Variants in LBHD1 observed in about 807,000 individuals in gnomAD.
LBHD1 encodes the protein LBH domain-containing protein 1.
Under a neutral mutation model 31.1 loss-of-function variants are expected in LBHD1, and 28 were observed. The ratio of observed to expected loss-of-function variants is 0.90; its 90% CI spans 0.67 to 1.24. The LOEUF (loss-of-function observed/expected upper bound fraction) is 1.24. Ranked by LOEUF, LBHD1 falls within the 50% of genes most tolerant of loss-of-function variation. The pLI is 0.00. For missense variants in LBHD1, 350 were observed against 323.0 expected, an observed-to-expected ratio of 1.08 and a Z score of -0.64; for synonymous variants, 105 against 116.5, an observed-to-expected ratio of 0.90 and a Z score of 0.63.
intron 5 of LBHD1, among the ~76,000 whole-genome samples, chr11:62,664,072 CAA>C (rs1271137635): frequency 8.8e-4 from 46 of 52,370 alleles, no homozygotes; most frequent in African/African-American, 3.5e-3. Flanking sequence ...GACTCTGTCT[CAA>C]AAAAGAGGAA....
rs1476493113 is a variant in LBHD1, at chr11:62,666,343, C to T, written c.538+1180G>A. On this transcript the variant is annotated intron_variant, in intron 4 of 6. Transcript: ENST00000354588. ...AAAAGACGCCAGTGTGTATATACGA[C>T]GTTTTTGCAGTGGCGACATAGACCA... 5 of 1,575,850 alleles carry T rather than the reference C, an allele frequency of 3.2e-6. No individual in the cohort carries two copies. The South Asian group carries it at 3.3e-5, about 10-fold the overall frequency.
rs559633086 is a variant in LBHD1 at position 62,664,587 on chromosome 11, C to T, written c.663+262G>A. Among the ~76,000 whole-genome samples the T allele has an allele frequency of 5.9e-5, 9 of 152,148 alleles. No homozygotes were observed. In the South Asian group the frequency reaches 1.5e-3, roughly 25 times the overall value. Reference sequence around the variant, plus strand: ...CTCAGGTGATCCGCCCACCTCAGCCCCCCAAAGTGCTGGGATTACAGGTAT... The same window carrying T: ...CTCAGGTGATCCGCCCACCTCAGCCTCCCAAAGTGCTGGGATTACAGGTAT... On this transcript the variant is annotated intron_variant, in intron 5 of 6. Coordinates refer to ENST00000354588, the MANE Select transcript of LBHD1 (RefSeq NM_024099.5).
intron 4 of LBHD1, chr11:62,665,552 C>T (rs1944782715): frequency 1.9e-6 from 3 of 1,569,860 alleles, no homozygotes; most frequent in Non-Finnish European, 2.6e-6. Context: ...TGGTTCTATC[C>T]TCAAACGCCG....
chr11:62,665,757 G>A, intron 4 of LBHD1: 2 of 1,503,444 alleles, frequency 1.3e-6, no homozygotes, highest in Non-Finnish European at 1.8e-6. Flanking sequence ...GTTCGGGGAA[G>A]CTGTACGCCG....
At chr11:62,666,230 G>A in intron 4 of LBHD1, 1 of 783,504 alleles carries the variant, frequency 1.3e-6, no homozygotes, top group South Asian at 1.5e-5. Flanking sequence ...TAGCTACTCA[G>A]GAGGCTGAGG....
intron 1 of LBHD1, 43 bp downstream of exon 1, chr11:62,671,521 T>C (rs1354753606): frequency 1.1e-5 from 16 of 1,403,596 alleles, no homozygotes. Flanking sequence ...GCTCAGCCCT[T>C]GGTGCCAGCA....
Position 62,667,738 on chromosome 11 carries a change from C to T in LBHD1, c.323G>A (p.Trp108Ter). 1 of 1,602,412 alleles carries T rather than the reference C, an allele frequency of 6.2e-7. No individual in the cohort carries two copies. Among genetic ancestry groups the T allele is most frequent in the Non-Finnish European group, 8.5e-7 (1 of 1,170,376 alleles). ...QDQSEEPGWA[W>*]SPQDPRSPLR... ...AGGACTTCTAGGGTCCTGTGGGCTCCAAGCCCAGCCTGGGATGGAGGAAGA... is the reference window on the plus strand; with the variant it reads ...AGGACTTCTAGGGTCCTGTGGGCTCTAAGCCCAGCCTGGGATGGAGGAAGA... Residue 108 changes from tryptophan (W) to a stop codon, truncating the protein, a stop_gained, in exon 4 of 7, where the codon TGG (tryptophan) becomes TAG (stop). Transcript: ENST00000354588. LOFTEE classifies it high-confidence loss of function.
rs1944946403 is a variant in LBHD1 at position 62,671,672 on chromosome 11, T to A, written c.-119A>T. The A allele has an allele frequency of 1.3e-6, 2 of 1,572,316 alleles. No homozygotes were observed. The highest frequency in any genetic ancestry group is 1.7e-6 in the Non-Finnish European group (2 of 1,159,464). On this transcript the variant is annotated 5_prime_UTR_variant, in exon 1 of 7. Coordinates refer to ENST00000354588, the MANE Select transcript of LBHD1 (RefSeq NM_024099.5). ...GGGCGCTCTAGCCTGCGCCAAGGGG[T>A]AGTGAGACCGCGCGGCAACAGCTTG...
At position 62,669,670 on chromosome 11, in the gene LBHD1, GC is replaced by G; in HGVS notation, c.283del (p.Ala95ProfsTer23). ...LTDGEEEDAE[A>X]FFQDQSEEPG... ...CTCTTCACTTTGGTCTTGGAAGAAG[GC>G]CTCAGCATCCTCTTCCTCACCATCA... On this transcript the variant is annotated frameshift_variant, in exon 3 of 7. Coordinates refer to ENST00000354588, the MANE Select transcript of LBHD1 (RefSeq NM_024099.5). LOFTEE classifies it high-confidence loss of function. 3.7e-6 allele frequency: 6 copies of G among 1,614,092 alleles called. No individual in the cohort carries two copies. Among genetic ancestry groups the G allele is most frequent in the Non-Finnish European group, 5.1e-6 (6 of 1,179,980 alleles).
intron 3 of LBHD1, chr11:62,667,978 G>A (rs1944864199): frequency 6.6e-6 from 3 of 456,134 alleles, no homozygotes; most frequent in Non-Finnish European, 1.2e-5. Context: ...TGAGCTGGGA[G>A]GACTGCTTGA....
chr11:62,666,667 G>C (rs1565127697), intron 4 of LBHD1: 1 of 1,614,138 alleles, frequency 6.2e-7, no homozygotes, highest in Non-Finnish European at 8.5e-7. Flanking sequence ...CTGTGGCTGT[G>C]GCCCACATGA....
rs1590855859 is a variant in LBHD1, at chr11:62,672,204, C to T, written c.-651G>A. 8 of 1,342,944 alleles carry T rather than the reference C, an allele frequency of 6.0e-6. No individual in the cohort carries two copies. Among genetic ancestry groups the T allele is most frequent in the Non-Finnish European group, 7.1e-6 (7 of 986,670 alleles). 83.2% of individuals were successfully genotyped at this position (1,342,944 alleles called of 1,614,324 possible). The stretch of plus-strand genomic sequence containing the variant: ...TCCTTCGTGGGCCCAGCGGAGAGTC[C>T]GGACCGAGATACCATGCCAGGACTC... On this transcript the variant is annotated 5_prime_UTR_variant, in exon 1 of 7. Coordinates refer to ENST00000354588, the MANE Select transcript of LBHD1 (RefSeq NM_024099.5).
In LBHD1 at chr11:62,663,337, A is replaced by T. The variant is rs760712383; in HGVS notation, c.664-4T>A. The T allele has an allele frequency of 1.2e-6, 2 of 1,612,956 alleles. No homozygotes were observed. Among genetic ancestry groups the T allele is most frequent in the East Asian group, 4.5e-5 (2 of 44,878 alleles). On this transcript the variant is annotated splice_polypyrimidine_tract_variant and splice_region_variant and intron_variant, in intron 5 of 6. Coordinates refer to ENST00000354588, the MANE Select transcript of LBHD1 (RefSeq NM_024099.5). ...AATGTTGGCACGTGCACTGGACCTGATGGGTAAGTGGAAATAAAGAGAGCT... is the reference window on the plus strand; with the variant it reads ...AATGTTGGCACGTGCACTGGACCTGTTGGGTAAGTGGAAATAAAGAGAGCT...
chr11:62,666,981 T>G, intron 4 of LBHD1: 1 of 1,614,120 alleles, frequency 6.2e-7, no homozygotes. Flanking sequence ...GGCTGGACTG[T>G]GACTGTGCAG....
rs1944693351 is a variant in LBHD1 at position 62,662,843 on chromosome 11, T to C, written c.*286A>G. ...CAGAGTGCTAGGGCTTTATTACAAATGGAGTTGACTGCTAGAGAGGCCCTT... is the reference window on the plus strand; with the variant it reads ...CAGAGTGCTAGGGCTTTATTACAAACGGAGTTGACTGCTAGAGAGGCCCTT... On this transcript the variant is annotated 3_prime_UTR_variant, in exon 7 of 7. Transcript: ENST00000354588. 1.9e-6 allele frequency: 1 copy of C among 530,058 alleles called. No homozygotes were observed. Among genetic ancestry groups the C allele is most frequent in the Non-Finnish European group, 3.2e-6 (1 of 317,260 alleles). 32.8% of individuals were successfully genotyped at this position (530,058 alleles called of 1,614,324 possible).
intron 3 of LBHD1, chr11:62,668,480 CAAA>C (rs974530699): frequency 5.1e-5 from 3 of 59,168 alleles, no homozygotes; most frequent in Admixed American, 2.0e-4. Flanking sequence ...GACTCTGTCT[CAAA>C]AAAAAAAAAA....
chr11:62,667,721 TA>T lies in LBHD1; in HGVS notation c.339del (p.Arg114GlufsTer4). On this transcript the variant is annotated frameshift_variant, in exon 4 of 7. Transcript: ENST00000354588. LOFTEE classifies it high-confidence loss of function. ...EPGWAWSPQD[P>X]RSPLRTFNAG... is the part of the protein sequence containing the mutation. ...GCGTTAAATGTTCTTAAAGGACTTC[TA>T]GGGTCCTGTGGGCTCCAAGCCCAGC... is the stretch of plus-strand genomic sequence containing the variant. 3 of 1,612,014 alleles carry T rather than the reference TA, an allele frequency of 1.9e-6. No individual in the cohort carries two copies. Among genetic ancestry groups the T allele is most frequent in the Non-Finnish European group, 2.5e-6 (3 of 1,178,190 alleles).
At chr11:62,663,566 C>T (rs913647512) in intron 5 of LBHD1, among the ~76,000 whole-genome samples, 5 of 151,662 alleles carry the variant, frequency 3.3e-5, no homozygotes, top group Middle Eastern at 3.4e-3. Flanking sequence ...CAGTGGCGGG[C>T]GCCTGTAGTC....
chr11:62,670,272 G>C, intron 1 of LBHD1: 1 of 510,474 alleles, frequency 2.0e-6, no homozygotes, highest in Non-Finnish European at 3.4e-6. Context: ...AGGGCACCTG[G>C]ATTAAAGCCC....
Sources: allele counts gnomAD v4.1 joint callset (sites outside exome capture counted in the v4.1 genomes callset), GRCh38; gene constraint gnomAD v4.1.1; transcripts MANE v1.5; gene names NCBI Gene and HGNC (gene_info 2026-07-23, HGNC 2026-07-21).